The following DNAL1 variants were observed in gnomAD, a reference collection of about 807,000 sequenced individuals.
DNAL1 encodes chromosome 14 open reading frame 168.
In DNAL1, 17 loss-of-function variants were observed where a neutral mutation model predicts 29.4. That is an observed-to-expected ratio of 0.58 (90% CI 0.40 to 0.87). DNAL1 has a LOEUF of 0.87. Among genes scored for constraint, DNAL1 ranks in the 40% least tolerant of loss-of-function variants. The probability of loss-of-function intolerance (pLI) is 0.00; values close to 1 mark genes in which losing one functional copy is unlikely to be tolerated. For missense variants in DNAL1, 188 were observed against 214.1 expected (o/e 0.88, Z 0.76); for synonymous variants, 78 against 76.3 (o/e 1.02, Z -0.12).
intron 6 of DNAL1, 143 bp from the exon 7 acceptor site, chr14:73,689,232 C>G: frequency 1.1e-6 from 1 of 906,722 alleles, no homozygotes. Context: ...TGGGGTTTCA[C>G]TGTGTTAGCC....
At chr14:73,658,093 A>C (rs1450533448) in intron 2 of DNAL1, among the ~76,000 whole-genome samples, 1 of 152,186 alleles carries the variant, frequency 6.6e-6, no homozygotes. Context: ...GGTGAGAGAA[A>C]GGGGTCCAGT....
chr14:73,688,234 G>A lies in DNAL1; in HGVS notation c.391+849G>A, dbSNP rs575364810. 7.9e-4 allele frequency among the ~76,000 whole-genome samples: 120 copies of A among 152,242 alleles called. 1 individual carries two copies. Among genetic ancestry groups the A allele is most frequent in the African/African-American group, 2.8e-3 (118 of 41,556 alleles). ...CTATACCAGTCTCTTTGGATACATA[G>A]TTGAATAGGACATTATCCCTGCCCT... On this transcript the variant is annotated intron_variant, in intron 6 of 7. Coordinates refer to ENST00000553645, the MANE Select transcript of DNAL1 (RefSeq NM_031427.4).
chr14:73,692,812 C>G (rs988303275), intron 7 of DNAL1, among the ~76,000 whole-genome samples: 1 of 151,616 alleles, frequency 6.6e-6, no homozygotes, highest in African/African-American at 2.4e-5. Flanking sequence ...TGTTTCTCTT[C>G]TGTTGCTCAT....
intron 4 of DNAL1, among the ~76,000 whole-genome samples, chr14:73,669,802 T>C (rs1397519881): frequency 1.3e-5 from 2 of 152,152 alleles, no homozygotes; most frequent in Non-Finnish European, 2.9e-5. Flanking sequence ...TTTAAAGATA[T>C]GAATTTTCCG....
At chr14:73,657,073 T>C (rs977440559) in intron 2 of DNAL1, among the ~76,000 whole-genome samples, 2 of 151,936 alleles carry the variant, frequency 1.3e-5, no homozygotes, top group African/African-American at 2.4e-5. Flanking sequence ...CATGAGCCAT[T>C]GTGCCCGGCC....
intron 5 of DNAL1, among the ~76,000 whole-genome samples, chr14:73,674,564 C>T (rs142347635): frequency 1.3e-4 from 20 of 152,272 alleles, no homozygotes; most frequent in East Asian, 1.2e-3. Flanking sequence ...TTGTTTTAGA[C>T]GAGGTCTCAC....
chr14:73,685,167 A>T (rs1891988493), intron 5 of DNAL1, among the ~76,000 whole-genome samples: 2 of 152,194 alleles, frequency 1.3e-5, no homozygotes, highest in Non-Finnish European at 2.9e-5. Context: ...TTTTAAGTGT[A>T]TAGTTCAGTG....
intron 5 of DNAL1, among the ~76,000 whole-genome samples, chr14:73,677,707 C>T (rs12434080): frequency 0.22 from 33,426 of 149,778 alleles, 4,812 homozygotes; most frequent in Non-Finnish European, 0.33. Context: ...CAGGCGCCCG[C>T]CACCACGCCC....
intron 5 of DNAL1, among the ~76,000 whole-genome samples, chr14:73,684,731 CAAAA>C (rs982272484): frequency 6.6e-6 from 1 of 151,484 alleles, no homozygotes; most frequent in African/African-American, 2.4e-5. Context: ...CTTGTCTCTA[CAAAA>C]AAAAATTTTT....
At chr14:73,677,274 G>A (rs972049946) in intron 5 of DNAL1, among the ~76,000 whole-genome samples, 1 of 151,548 alleles carries the variant, frequency 6.6e-6, no homozygotes, top group African/African-American at 2.4e-5. Context: ...CCAGCCAGTA[G>A]TATTCATATT....
chr14:73,661,917 G>T, intron 3 of DNAL1, 70 bp from the exon 4 acceptor site: 1 of 976,492 alleles, frequency 1.0e-6, no homozygotes, highest in Admixed American at 2.3e-5. Context: ...ATGGGCACTA[G>T]TGTTAAGGAA....
chr14:73,687,178 C>G (rs1044493066), intron 5 of DNAL1, 81 bp from the exon 6 acceptor site: 8 of 1,541,822 alleles, frequency 5.2e-6, no homozygotes, highest in Middle Eastern at 2.4e-4. Context: ...ACTTTGGAAG[C>G]CATTATGTAT....
rs1009919676 is a variant in DNAL1 at position 73,702,791 on chromosome 14, G to A, written c.*6849G>A. 1 of 152,138 alleles carries A rather than the reference G, an allele frequency of 6.6e-6. No homozygotes were observed. Among genetic ancestry groups the A allele is most frequent in the Non-Finnish European group, 1.5e-5 (1 of 68,028 alleles). 9.4% of individuals were successfully genotyped at this position (152,138 alleles called of 1,614,324 possible). On this transcript the variant is annotated 3_prime_UTR_variant, in exon 8 of 8. Coordinates refer to ENST00000553645, the MANE Select transcript of DNAL1 (RefSeq NM_031427.4). The stretch of plus-strand genomic sequence containing the variant: ...GTAGTTTCTACTTCTTATTCCAGTT[G>A]TTTGATTATGAGGATACATTTCTTG...
chr14:73,682,607 ATTCTATAAGCT>A (rs1204707450), intron 5 of DNAL1, among the ~76,000 whole-genome samples: 11 of 151,624 alleles, frequency 7.3e-5, no homozygotes, highest in African/African-American at 2.4e-4. Context: ...TTATTTCATT[ATTCTATAAGCT>A]TTCTATAAGC....
intron 7 of DNAL1, among the ~76,000 whole-genome samples, chr14:73,692,884 T>C (rs546782305): frequency 1.9e-4 from 29 of 151,746 alleles, no homozygotes; most frequent in East Asian, 1.4e-3. Flanking sequence ...TCACCCAGGC[T>C]GGAGTGCAGT....
At chr14:73,681,633 A>AAAAAAATATATAT (rs1555402645) in intron 5 of DNAL1, among the ~76,000 whole-genome samples, 1 of 35,414 alleles carries the variant, frequency 2.8e-5, no homozygotes, top group Non-Finnish European at 4.1e-5. Context: ...AAAAAAAAAA[A>AAAAAAATATATAT]ATATATATAT....
rs1014057914 is a variant in DNAL1 at position 73,700,782 on chromosome 14, G to T, written c.*4840G>T. On this transcript the variant is annotated 3_prime_UTR_variant, in exon 8 of 8. Coordinates refer to ENST00000553645, the MANE Select transcript of DNAL1 (RefSeq NM_031427.4). ...CCTTTGGCACAGATTTTATTTATTTGGGGCTGTTTAATGTGTCTGTAAATC... is the reference window on the plus strand; with the variant it reads ...CCTTTGGCACAGATTTTATTTATTTTGGGCTGTTTAATGTGTCTGTAAATC... 2 of 152,178 alleles carry T rather than the reference G, an allele frequency of 1.3e-5. No individual in the cohort carries two copies. The highest frequency in any genetic ancestry group is 4.8e-5 in the African/African-American group (2 of 41,444). The allele number at this position is 152,178 out of a possible 1,614,324, so 9.4% of individuals were successfully genotyped here.
In DNAL1 at chr14:73,687,343, T is replaced by C. The variant is rs757631296; in HGVS notation, c.349T>C (p.Leu117=). Reference sequence around the variant, plus strand: ...GAAAGGGATCCACATAATGAAGAAATTGAAGATTCTCTACATGTCTAATAA... The same window carrying C: ...GAAAGGGATCCACATAATGAAGAAACTGAAGATTCTCTACATGTCTAATAA... ...KLKGIHIMKK[L]KILYMSNNLV... The change falls in exon 6 of 8, where the codon TTG becomes CTG. Residue 117 remains leucine (L), a synonymous_variant. Coordinates refer to ENST00000553645, the MANE Select transcript of DNAL1 (RefSeq NM_031427.4). The C allele has an allele frequency of 7.4e-6, 12 of 1,611,656 alleles. No individual in the cohort carries two copies. The highest frequency in any genetic ancestry group is 3.3e-4 in the Middle Eastern group (2 of 6,064).
At chr14:73,681,934 G>T (rs933809508) in intron 5 of DNAL1, among the ~76,000 whole-genome samples, 4 of 151,602 alleles carry the variant, frequency 2.6e-5, no homozygotes, top group African/African-American at 7.3e-5. Flanking sequence ...CCAACATGGA[G>T]AAACCCCATC....
Sources: gnomAD v4.1 joint callset for allele counts (sites outside exome capture counted in the v4.1 genomes callset) on GRCh38, gnomAD v4.1.1 for gene constraint, MANE v1.5 for transcripts, NCBI Gene and HGNC (gene_info 2026-07-23, HGNC 2026-07-21) for gene names.